Variants in ARHGAP45 observed in about 807,000 individuals in gnomAD.
ARHGAP45 encodes the protein rho GTPase-activating protein 45.
A neutral mutation model predicts 116.1 loss-of-function variants in ARHGAP45; 56 were observed. The observed-to-expected ratio is 0.48, with a 90% CI of 0.39 to 0.60. ARHGAP45 has a LOEUF of 0.60. ARHGAP45 is among the 20% of genes least tolerant of loss of function. The pLI is 0.00. For missense variants in ARHGAP45, 1,622 were observed against 1,601.0 expected (o/e 1.01, Z -0.22); for synonymous variants, 866 against 701.7 (o/e 1.23, Z -3.70).
rs1247431819 is a variant in ARHGAP45, at chr19:1,081,596, A to G, written c.2237A>G (p.Gln746Arg). Reference sequence around the variant, plus strand: ...AAATGTCTGGAGACGCTGGCCATACAGTGCGGGCACAAGAAGCTGCAAGGC... The same window carrying G: ...AAATGTCTGGAGACGCTGGCCATACGGTGCGGGCACAAGAAGCTGCAAGGC... Reference protein sequence around the residue: ...HKKCLETLAIQCGHKKLQGRL... With the variant: ...HKKCLETLAIRCGHKKLQGRL... The change falls in exon 18 of 23, where the codon CAG (glutamine) becomes CGG (arginine). Residue 746 changes from glutamine to arginine, a missense_variant. Physicochemically the swap from Gln to Arg is conservative, Grantham distance 43. Transcript: ENST00000313093. 8 of 1,523,426 alleles carry G rather than the reference A, an allele frequency of 5.3e-6. No individual in the cohort carries two copies. The highest frequency in any genetic ancestry group is 5.3e-6 in the Non-Finnish European group (6 of 1,133,024). 94.4% of individuals were successfully genotyped at this position (1,523,426 alleles called of 1,614,324 possible). A position where few individuals can be genotyped will look rare whatever the true frequency, so the allele number is the denominator to read the frequency against.
At chr19:1,084,212 C>T (rs370049033) in intron 21 of ARHGAP45, 26 bp from the exon 22 acceptor site, 94 of 1,603,592 alleles carry the variant, frequency 5.9e-5, no homozygotes, top group Non-Finnish European at 7.3e-5. Flanking sequence ...CCCGGCCCCT[C>T]TATGACTTCC....
rs949124020 is a variant in ARHGAP45 at position 1,080,493 on chromosome 19, T to C, written c.1858T>C (p.Trp620Arg). Residue 620 changes from tryptophan to arginine, a missense_variant, in exon 15 of 23, where the codon TGG (tryptophan) becomes CGG (arginine). Physicochemically the swap from Trp to Arg is moderately radical, Grantham distance 101. This residue lies in a region of ARHGAP45 where 1,334 missense variants were observed against 1,263.8 expected (regional missense o/e 1.06). Coordinates refer to ENST00000313093, the MANE Select transcript of ARHGAP45 (RefSeq NM_012292.5). Reference protein sequence around the residue: ...AGRGHQVHKSWPLSISDSDSG... With the variant: ...AGRGHQVHKSRPLSISDSDSG... ...GCGAGGACACCAGGTTCACAAGTCA[T>C]GGCCGCTCTCGATCTCAGACTCGGA... 6.2e-7 allele frequency: 1 copy of C among 1,612,888 alleles called. No individual in the cohort carries two copies. Among genetic ancestry groups the C allele is most frequent in the Non-Finnish European group, 8.5e-7 (1 of 1,179,956 alleles).
rs1012604122 is a variant in ARHGAP45 at position 1,080,696 on chromosome 19, T to G, written c.1927T>G (p.Phe643Val). Reference sequence around the variant, plus strand: ...TTCCCGCCCAGGGGACTTTAAGAAGTTCGAGCGGACGTCATCCAGTGGTAC... The same window carrying G: ...TTCCCGCCCAGGGGACTTTAAGAAGGTCGAGCGGACGTCATCCAGTGGTAC... ...PGPGAGDFKK[F>V]ERTSSSGTMS... The change falls in exon 16 of 23, where the codon TTC (phenylalanine) becomes GTC (valine). Residue 643 changes from phenylalanine to valine, a missense_variant. Around this residue, in one of 3 missense-constraint regions of ARHGAP45, gnomAD observed 1,334 missense variants for 1,263.8 expected, o/e 1.06. Coordinates refer to ENST00000313093, the MANE Select transcript of ARHGAP45 (RefSeq NM_012292.5). 1 of 1,613,278 alleles carries G rather than the reference T, an allele frequency of 6.2e-7. No individual in the cohort carries two copies. Among genetic ancestry groups the G allele is most frequent in the African/African-American group, 1.3e-5 (1 of 74,884 alleles).
rs1312266783 is a variant in ARHGAP45 at position 1,086,039 on chromosome 19, T to C, written c.*33T>C. 6.4e-7 allele frequency: 1 copy of C among 1,563,076 alleles called. No homozygotes were observed. Among genetic ancestry groups the C allele is most frequent in the African/African-American group, 1.3e-5 (1 of 74,092 alleles). ...TGGGGCTGGGACCACAGGTGGCTTC[T>C]CTCTTGCCTGCTCCTGTCCCTCCAG... On this transcript the variant is annotated 3_prime_UTR_variant, in exon 23 of 23. Coordinates refer to ENST00000313093, the MANE Select transcript of ARHGAP45 (RefSeq NM_012292.5).
chr19:1,077,205 A>G, intron 10 of ARHGAP45: 4 of 985,260 alleles, frequency 4.1e-6, no homozygotes, highest in Non-Finnish European at 4.8e-6. Context: ...GGGAAGTGAA[A>G]GCAAAAGAGC....
At position 1,081,840 on chromosome 19, in the gene ARHGAP45, A is replaced by G. The variant is rs140435282; in HGVS notation, c.2396A>G (p.Asn799Ser). The G allele has an allele frequency of 2.2e-5, 35 of 1,610,998 alleles. 1 individual carries two copies. Among genetic ancestry groups the G allele is most frequent in the South Asian group, 7.7e-5 (7 of 90,724 alleles). The change falls in exon 19 of 23, where the codon AAT becomes AGT. Residue 799 changes from asparagine (N) to serine (S), a missense_variant. By Grantham distance (46) the Asn-to-Ser change is conservative. Around this residue, in one of 3 missense-constraint regions of ARHGAP45, gnomAD observed 1,334 missense variants for 1,263.8 expected, o/e 1.06. Coordinates refer to ENST00000313093, the MANE Select transcript of ARHGAP45 (RefSeq NM_012292.5). ...ALRTKGIYRV[N>S]GVKTRVEKLC... is the part of the protein sequence containing the mutation. ...CTCCCGCAGGGCATCTACCGGGTCAATGGGGTAAAGACACGCGTGGAGAAG... is the reference window on the plus strand; with the variant it reads ...CTCCCGCAGGGCATCTACCGGGTCAGTGGGGTAAAGACACGCGTGGAGAAG...
intron 10 of ARHGAP45, 41 bp from the exon 11 acceptor site, chr19:1,077,816 G>A (rs1286242186): frequency 1.0e-5 from 16 of 1,550,686 alleles, no homozygotes; most frequent in Non-Finnish European, 1.3e-5. Context: ...TCCCATCCGA[G>A]GATAGGGTTG....
At position 1,075,034 on chromosome 19, in the gene ARHGAP45, C is replaced by G. The variant is rs548049115; in HGVS notation, c.1185+155C>G. On this transcript the variant is annotated intron_variant, in intron 10 of 22. Coordinates refer to ENST00000313093, the MANE Select transcript of ARHGAP45 (RefSeq NM_012292.5). ...GGCCTCGCAGGCTGGGCCGCCCCCC[C>G]CAACGCCAAGCCGGGTCGGAGATGC... Among the ~76,000 whole-genome samples, 78 of 137,154 alleles carry G rather than the reference C, an allele frequency of 5.7e-4. 1 individual carries two copies. Among genetic ancestry groups the G allele is most frequent in the Admixed American group, 1.7e-3 (22 of 13,144 alleles). 90.0% of individuals were successfully genotyped at this position (137,154 alleles called of 152,430 possible). A position where few individuals can be genotyped will look rare whatever the true frequency, so the allele number is the denominator to read the frequency against.
Position 1,071,594 on chromosome 19 carries a change from G to C in ARHGAP45, c.422-1555G>C, listed in dbSNP as rs570528863. 2.3e-3 allele frequency: 381 copies of C among 167,914 alleles called. 2 individuals carry two copies. Among genetic ancestry groups the C allele is most frequent in the African/African-American group, 8.6e-3 (358 of 41,702 alleles). 10.4% of individuals were successfully genotyped at this position (167,914 alleles called of 1,614,324 possible). A position where few individuals can be genotyped will look rare whatever the true frequency, so the allele number is the denominator to read the frequency against. ...GCCGCGCGCGGAGTGCCGGGTGCCC[G>C]GCTGGAAGGTCCCGAGAAGGGGCGT... On this transcript the variant is annotated intron_variant, in intron 2 of 22. Transcript: ENST00000313093. This position sits in a 1 kb window ranked among gnomAD's most constrained non-coding sequence, Gnocchi z 4.6.
Position 1,081,977 on chromosome 19 carries a change from G to A in ARHGAP45, c.2517+16G>A, listed in dbSNP as rs747913629. The A allele has an allele frequency of 7.5e-6, 12 of 1,606,034 alleles. No individual in the cohort carries two copies. Among genetic ancestry groups the A allele is most frequent in the African/African-American group, 2.7e-5 (2 of 74,784 alleles). ...CCTGCGTCAGGTGAGACCCACCGGTGGTGGCCAGGCAGAGCCTGGAAGGGG... is the reference window on the plus strand; with the variant it reads ...CCTGCGTCAGGTGAGACCCACCGGTAGTGGCCAGGCAGAGCCTGGAAGGGG... On this transcript the variant is annotated intron_variant, in intron 19 of 22. Transcript: ENST00000313093.
chr19:1,078,050 G>A lies in ARHGAP45; in HGVS notation c.1374+5G>A. On this transcript the variant is annotated splice_donor_5th_base_variant and intron_variant, in intron 11 of 22. Transcript: ENST00000313093. ...GAGGAGGAGGCCAAGAACAAGGTGAGGGCGGGTGGAGGCAGGGCTGGAGGT... is the reference window on the plus strand; with the variant it reads ...GAGGAGGAGGCCAAGAACAAGGTGAAGGCGGGTGGAGGCAGGGCTGGAGGT... 6.5e-7 allele frequency: 1 copy of A among 1,547,886 alleles called. No individual in the cohort carries two copies.
rs537921812 is a variant in ARHGAP45 at position 1,071,600 on chromosome 19, A to C, written c.422-1549A>C. ...CGCGGAGTGCCGGGTGCCCGGCTGG[A>C]AGGTCCCGAGAAGGGGCGTGGCCGG... On this transcript the variant is annotated intron_variant, in intron 2 of 22. Coordinates refer to ENST00000313093, the MANE Select transcript of ARHGAP45 (RefSeq NM_012292.5). The surrounding 1 kb of genome is among the most constrained non-coding windows in gnomAD (Gnocchi z 4.6). The C allele has an allele frequency of 6.1e-6, 1 of 163,738 alleles. No individual in the cohort carries two copies. The highest frequency in any genetic ancestry group is 1.3e-5 in the Non-Finnish European group (1 of 78,292). The allele number at this position is 163,738 out of a possible 1,614,324, so 10.1% of individuals were successfully genotyped here. A position where few individuals can be genotyped will look rare whatever the true frequency, so the allele number is the denominator to read the frequency against.
rs1304089987 is a variant in ARHGAP45, at chr19:1,067,262, C to T, written c.-144C>T. ...TTTTCCTGTTGGGGGGAGGGCCCGC[C>T]AGTGACGGCCGGGCCTGTCACGTGG... is the stretch of plus-strand genomic sequence containing the variant. On this transcript the variant is annotated 5_prime_UTR_variant, in exon 1 of 23. Coordinates refer to ENST00000313093, the MANE Select transcript of ARHGAP45 (RefSeq NM_012292.5). The T allele has an allele frequency of 1.4e-6, 2 of 1,390,046 alleles. No homozygotes were observed. The allele number at this position is 1,390,046 out of a possible 1,614,324, so 86.1% of individuals were successfully genotyped here. A position where few individuals can be genotyped will look rare whatever the true frequency, so the allele number is the denominator to read the frequency against.
chr19:1,067,605 C>G, intron 1 of ARHGAP45, 110 bp downstream of exon 1: 3 of 1,050,992 alleles, frequency 2.9e-6, no homozygotes, highest in Non-Finnish European at 2.9e-6. Context: ...CTCGTGCCAG[C>G]TACAGCCCCT....
rs57034481 is a variant in ARHGAP45 at position 1,070,810 on chromosome 19, C to T, written c.421+2066C>T. Among the ~76,000 whole-genome samples the T allele has an allele frequency of 3.2e-3, 491 of 152,272 alleles. 5 individuals are homozygous for T. The highest frequency in any genetic ancestry group is 0.011 in the African/African-American group (461 of 41,572). Reference sequence around the variant, plus strand: ...GGGGCGCCTTCTGTGCGTCTCGGGGCCGCCCCAGGCCAGAGAAGACCCTGG... The same window carrying T: ...GGGGCGCCTTCTGTGCGTCTCGGGGTCGCCCCAGGCCAGAGAAGACCCTGG... On this transcript the variant is annotated intron_variant, in intron 2 of 22. Transcript: ENST00000313093.
rs745999302 is a variant in ARHGAP45 at position 1,080,507 on chromosome 19, C to T, written c.1872C>T (p.Ile624=). ...HQVHKSWPLS[I]SDSDSGLDPG... is the part of the protein sequence containing the mutation. ...TTCACAAGTCATGGCCGCTCTCGAT[C>T]TCAGACTCGGACAGTGGGCTGGACC... Residue 624 remains isoleucine (I), a synonymous_variant, in exon 15 of 23, where the codon ATC becomes ATT. Transcript: ENST00000313093. The T allele has an allele frequency of 1.2e-5, 19 of 1,612,856 alleles. No individual in the cohort carries two copies. Among genetic ancestry groups the T allele is most frequent in the Non-Finnish European group, 1.6e-5 (19 of 1,179,984 alleles).
At chr19:1,076,947 T>G in intron 10 of ARHGAP45, 1 of 844,944 alleles carries the variant, frequency 1.2e-6, no homozygotes, top group Non-Finnish European at 1.4e-6. Context: ...CAGGCTGGTC[T>G]CAAACTCCTG....
rs1172163710 is a variant in ARHGAP45 at position 1,070,329 on chromosome 19, C to CTT, written c.421+1603_421+1604dup. On this transcript the variant is annotated intron_variant, in intron 2 of 22. Coordinates refer to ENST00000313093, the MANE Select transcript of ARHGAP45 (RefSeq NM_012292.5). Reference sequence around the variant, plus strand: ...TTTTTCTTTCTTTTTCTTTTCTTTTCTTTTTTTTTTTTTTTTTTTGAGACA... The same window carrying CTT: ...TTTTTCTTTCTTTTTCTTTTCTTTTCTTTTTTTTTTTTTTTTTTTTTGAGACA... Among the ~76,000 whole-genome samples the CTT allele has an allele frequency of 5.6e-3, 527 of 93,284 alleles. 18 individuals carry two copies. Among genetic ancestry groups the CTT allele is most frequent in the African/African-American group, 0.012 (258 of 22,350 alleles). 61.2% of individuals were successfully genotyped at this position (93,284 alleles called of 152,430 possible).
chr19:1,069,282 A>T lies in ARHGAP45; in HGVS notation c.421+538A>T, dbSNP rs556532676. Reference sequence around the variant, plus strand: ...TCAGGCGGCGGAGGTGCTGGGACCCAGCGGCCTGCAGGCCGGCAGTTCCGT... The same window carrying T: ...TCAGGCGGCGGAGGTGCTGGGACCCTGCGGCCTGCAGGCCGGCAGTTCCGT... On this transcript the variant is annotated intron_variant, in intron 2 of 22. Coordinates refer to ENST00000313093, the MANE Select transcript of ARHGAP45 (RefSeq NM_012292.5). The surrounding 1 kb of genome is among the most constrained non-coding windows in gnomAD (Gnocchi z 4.1). 6.6e-6 allele frequency among the ~76,000 whole-genome samples: 1 copy of T among 152,274 alleles called. No individual in the cohort carries two copies. Among genetic ancestry groups the T allele is most frequent in the South Asian group, 2.1e-4 (1 of 4,828 alleles).
Sources: gnomAD v4.1 joint callset for allele counts (sites outside exome capture counted in the v4.1 genomes callset) on GRCh38, gnomAD v4.1.1 for gene constraint, gnomAD v4.1.1 regional missense constraint, Gnocchi (gnomAD v3.1) non-coding constraint, MANE v1.5 for transcripts, NCBI Gene and HGNC (gene_info 2026-07-23, HGNC 2026-07-21) for gene names.